Variants in KHDRBS3 observed in about 807,000 individuals in gnomAD.
KHDRBS3 encodes KH RNA binding domain containing, signal transduction associated 3, also known as KH domain-containing, RNA-binding, signal transduction-associated protein 3.
In KHDRBS3, 23 loss-of-function variants were observed where a neutral mutation model predicts 45.6. The observed-to-expected ratio is 0.50, with a 90% CI of 0.36 to 0.72. The LOEUF is 0.72. KHDRBS3 is among the 30% of genes least tolerant of loss of function. The probability of loss-of-function intolerance (pLI) is 0.00; values close to 1 mark genes in which losing one functional copy is unlikely to be tolerated. For synonymous variants in KHDRBS3, 162 were observed against 156.5 expected, an observed-to-expected ratio of 1.04 and a Z score of -0.26; for missense variants, 352 against 424.8, an observed-to-expected ratio of 0.83 and a Z score of 1.51.
At chr8:135,485,094 TACTC>T (rs761869828) in intron 1 of KHDRBS3, among the ~76,000 whole-genome samples, 17 of 152,040 alleles carry the variant, frequency 1.1e-4, no homozygotes, top group Non-Finnish European at 2.1e-4. Flanking sequence ...TTATCCTTCT[TACTC>T]AGTTCAGTTT....
At chr8:135,516,278 A>G (rs1241001580) in intron 1 of KHDRBS3, among the ~76,000 whole-genome samples, 1 of 152,238 alleles carries the variant, frequency 6.6e-6, no homozygotes, top group African/African-American at 2.4e-5. Context: ...TGGGTGAGTC[A>G]GTGGTTGAGT....
rs113007622 is a variant in KHDRBS3 at position 135,511,681 on chromosome 8, G to A, written c.89-9556G>A. Among the ~76,000 whole-genome samples, 649 of 151,998 alleles carry A rather than the reference G, an allele frequency of 4.3e-3. 12 individuals carry two copies. Among genetic ancestry groups the A allele is most frequent in the African/African-American group, 0.014 (589 of 41,446 alleles). On this transcript the variant is annotated intron_variant, in intron 1 of 8. Transcript: ENST00000355849. ...CGCCATTCTCCTGCCTAAGCCTCCC[G>A]AGTAGCTGGGACTACAGGTGCCTGC...
In KHDRBS3 at chr8:135,458,730, G is replaced by A. The variant is rs144086177; in HGVS notation, c.88+776G>A. The A allele has an allele frequency of 1.4e-3, 551 of 391,084 alleles. 4 individuals carry two copies. The highest frequency in any genetic ancestry group is 0.011 in the African/African-American group (510 of 48,092). 24.2% of individuals were successfully genotyped at this position (391,084 alleles called of 1,614,324 possible). A position where few individuals can be genotyped will look rare whatever the true frequency, so the allele number is the denominator to read the frequency against. ...TCATTGGTGGCTGGCTTGAGGTTCG[G>A]AATAGTGGTGAAGGGAGTCCTTGCC... On this transcript the variant is annotated intron_variant, in intron 1 of 8. Coordinates refer to ENST00000355849, the MANE Select transcript of KHDRBS3 (RefSeq NM_006558.3).
At chr8:135,581,720 C>A (rs530616614) in intron 5 of KHDRBS3, among the ~76,000 whole-genome samples, 158 bp from the exon 6 acceptor site, 3 of 152,328 alleles carry the variant, frequency 2.0e-5, no homozygotes, top group Admixed American at 2.0e-4. Flanking sequence ...TTGACAGACA[C>A]CTGTTTCATG....
At chr8:135,602,049 C>T (rs1437262813) in intron 6 of KHDRBS3, among the ~76,000 whole-genome samples, 3 of 152,170 alleles carry the variant, frequency 2.0e-5, no homozygotes, top group Non-Finnish European at 4.4e-5. Context: ...AGCTCCACTA[C>T]TCTCTCCTTT....
At chr8:135,620,275 A>AT (rs538775428) in intron 7 of KHDRBS3, among the ~76,000 whole-genome samples, 8 of 151,622 alleles carry the variant, frequency 5.3e-5, no homozygotes, top group South Asian at 2.1e-4. Flanking sequence ...TAATTTTCGT[A>AT]TTTTTTTTAG....
chr8:135,595,476 C>T (rs539385396), intron 6 of KHDRBS3, among the ~76,000 whole-genome samples: 1 of 152,322 alleles, frequency 6.6e-6, no homozygotes, highest in African/African-American at 2.4e-5. Context: ...AACACATCTT[C>T]CTTCAAGCAG....
intron 7 of KHDRBS3, among the ~76,000 whole-genome samples, chr8:135,608,266 T>A (rs181148864): frequency 6.6e-6 from 1 of 152,348 alleles, no homozygotes; most frequent in Admixed American, 6.5e-5. Flanking sequence ...CAAAGATATG[T>A]ACCCTTTATA....
intron 2 of KHDRBS3, among the ~76,000 whole-genome samples, chr8:135,527,592 G>A (rs151319274): frequency 2.5e-3 from 388 of 152,344 alleles, no homozygotes; most frequent in African/African-American, 9.0e-3. Flanking sequence ...TTCTCCAGGT[G>A]CTTAATGATG....
intron 1 of KHDRBS3, among the ~76,000 whole-genome samples, chr8:135,476,185 C>T (rs1822272810): frequency 6.6e-6 from 1 of 152,114 alleles, no homozygotes. Flanking sequence ...GCTCTGTCAC[C>T]TAGGCTGTAG....
intron 2 of KHDRBS3, among the ~76,000 whole-genome samples, chr8:135,524,904 T>G (rs1335299876): frequency 6.6e-6 from 1 of 152,218 alleles, no homozygotes; most frequent in Non-Finnish European, 1.5e-5. Flanking sequence ...GATTTTCTAT[T>G]TTTTAATTCA....
At chr8:135,511,775 G>A (rs774305315) in intron 1 of KHDRBS3, among the ~76,000 whole-genome samples, 1 of 152,112 alleles carries the variant, frequency 6.6e-6, no homozygotes, top group African/African-American at 2.4e-5. Context: ...AGCCAGAATG[G>A]TCTTGATCTC....
At chr8:135,464,646 C>T (rs1251886406) in intron 1 of KHDRBS3, among the ~76,000 whole-genome samples, 1 of 152,204 alleles carries the variant, frequency 6.6e-6, no homozygotes, top group Non-Finnish European at 1.5e-5. Context: ...TATACTTGCC[C>T]TGCAGTTGCT....
intron 4 of KHDRBS3, among the ~76,000 whole-genome samples, chr8:135,551,049 A>G (rs770187487): frequency 9.9e-5 from 15 of 152,080 alleles, no homozygotes; most frequent in African/African-American, 1.4e-4. Flanking sequence ...TAGAAATGCA[A>G]TTGAGTTTTG....
intron 4 of KHDRBS3, among the ~76,000 whole-genome samples, chr8:135,554,480 C>G (rs529359705): frequency 1.3e-5 from 2 of 152,158 alleles, no homozygotes; most frequent in Non-Finnish European, 2.9e-5. Context: ...AGTAAAATGG[C>G]TGGGAACATA....
At chr8:135,510,711 G>C (rs1824239360) in intron 1 of KHDRBS3, among the ~76,000 whole-genome samples, 2 of 152,212 alleles carry the variant, frequency 1.3e-5, no homozygotes, top group South Asian at 4.1e-4. Context: ...GGGATTACAG[G>C]CTTGAGCCAC....
chr8:135,528,947 G>A (rs147589422), intron 2 of KHDRBS3, among the ~76,000 whole-genome samples: 52 of 152,242 alleles, frequency 3.4e-4, no homozygotes, highest in African/African-American at 1.1e-3. Context: ...TGAATTGGAG[G>A]GGAAACATTG....
intron 2 of KHDRBS3, among the ~76,000 whole-genome samples, chr8:135,535,842 T>C (rs1446642797): frequency 1.3e-5 from 2 of 152,124 alleles, no homozygotes; most frequent in East Asian, 3.9e-4. Flanking sequence ...GGCGAGGGCA[T>C]GGTCCCTGCT....
intron 1 of KHDRBS3, among the ~76,000 whole-genome samples, chr8:135,513,408 C>T (rs933165856): frequency 5.9e-5 from 9 of 151,926 alleles, no homozygotes; most frequent in African/African-American, 2.2e-4. Flanking sequence ...TCATAAAAAC[C>T]CTATGGGGGG....
Sources: allele counts gnomAD v4.1 joint callset (sites outside exome capture counted in the v4.1 genomes callset), GRCh38; gene constraint gnomAD v4.1.1; transcripts MANE v1.5; gene names NCBI Gene and HGNC (gene_info 2026-07-23, HGNC 2026-07-21).